Variants in LARP1B observed in about 807,000 individuals in gnomAD.
LARP1B encodes the protein la-related protein 1B.
A neutral mutation model predicts 114.2 loss-of-function variants in LARP1B; 76 were observed. The observed-to-expected ratio is 0.67, with a 90% CI of 0.55 to 0.81. The LOEUF is 0.81. LARP1B is among the 30% of genes least tolerant of loss of function. The probability of loss-of-function intolerance (pLI) is 0.00; values close to 1 mark genes in which losing one functional copy is unlikely to be tolerated. For missense variants in LARP1B, 1,014 were observed against 1,075.8 expected (o/e 0.94, Z 0.80); for synonymous variants, 345 against 348.0 (o/e 0.99, Z 0.10).
intron 11 of LARP1B, among the ~76,000 whole-genome samples, chr4:128,150,756 A>G (rs1732434229): frequency 1.3e-5 from 2 of 152,210 alleles, no homozygotes; most frequent in South Asian, 2.1e-4. Context: ...GAAGAAATGT[A>G]AAATAAAAAA....
intron 7 of LARP1B, among the ~76,000 whole-genome samples, chr4:128,097,930 T>C (rs1341577817): frequency 6.6e-6 from 1 of 152,208 alleles, no homozygotes; most frequent in African/African-American, 2.4e-5. Context: ...TCTTTATATT[T>C]AGTGAAACTG....
At chr4:128,166,656 A>G (rs1236998864) in intron 12 of LARP1B, among the ~76,000 whole-genome samples, 2 of 151,808 alleles carry the variant, frequency 1.3e-5, no homozygotes, top group Non-Finnish European at 2.9e-5. Context: ...CTCAGGTTGT[A>G]CATTAGATCT....
intron 11 of LARP1B, among the ~76,000 whole-genome samples, chr4:128,150,568 T>G (rs1732329784): frequency 6.6e-6 from 1 of 152,066 alleles, no homozygotes; most frequent in African/African-American, 2.4e-5. Context: ...GCTGGAATTA[T>G]AGATGTGAGC....
intron 11 of LARP1B, among the ~76,000 whole-genome samples, chr4:128,125,804 A>C (rs777812190): frequency 6.6e-6 from 1 of 152,142 alleles, no homozygotes; most frequent in Non-Finnish European, 1.5e-5. Context: ...TGCTGAGCAG[A>C]ATAGAGAGGA....
At chr4:128,079,961 T>A (rs1042667907) in intron 4 of LARP1B, among the ~76,000 whole-genome samples, 2 of 152,074 alleles carry the variant, frequency 1.3e-5, no homozygotes, top group Admixed American at 1.3e-4. Flanking sequence ...AGATGACAGA[T>A]TTGTTATCCT....
intron 9 of LARP1B, among the ~76,000 whole-genome samples, chr4:128,111,567 G>T (rs554036929): frequency 6.6e-6 from 1 of 152,180 alleles, no homozygotes; most frequent in Non-Finnish European, 1.5e-5. Context: ...ACTGGGTGTG[G>T]TGGTGTGCAT....
At chr4:128,187,808 G>T (rs1273366182) in intron 15 of LARP1B, among the ~76,000 whole-genome samples, 4 of 152,112 alleles carry the variant, frequency 2.6e-5, no homozygotes, top group African/African-American at 7.2e-5. Flanking sequence ...GGATCACCGG[G>T]GCAGTTTCTC....
chr4:128,128,108 C>T (rs1244751991), intron 11 of LARP1B, among the ~76,000 whole-genome samples: 1 of 152,148 alleles, frequency 6.6e-6, no homozygotes, highest in Non-Finnish European at 1.5e-5. Context: ...CCCTCCCTAT[C>T]TTACATCATG....
rs1755593957 is a variant in LARP1B at position 128,200,441 on chromosome 4, T to G, written c.2165-80T>G. 11 of 956,920 alleles carry G rather than the reference T, an allele frequency of 1.1e-5. No homozygotes were observed. The South Asian group carries it at 2.6e-4, about 22-fold the overall frequency. 59.3% of individuals were successfully genotyped at this position (956,920 alleles called of 1,614,324 possible). On this transcript the variant is annotated intron_variant, in intron 16 of 19. Coordinates refer to ENST00000326639, the MANE Select transcript of LARP1B (RefSeq NM_018078.4). ...TGAGGATTAATATGGTTGAGCTTTC[T>G]TCATTTTATATATAACATCTGCTGT...
intron 1 of LARP1B, among the ~76,000 whole-genome samples, chr4:128,072,174 G>GT (rs1228974883): frequency 3.3e-5 from 5 of 151,388 alleles, no homozygotes; most frequent in African/African-American, 1.2e-4. Flanking sequence ...TAATTTTTGT[G>GT]TTTTTTAGTA....
At chr4:128,200,489 A>T (rs922465502) in intron 16 of LARP1B, 32 bp from the exon 17 acceptor site, 2 of 1,314,228 alleles carry the variant, frequency 1.5e-6, no homozygotes, top group African/African-American at 3.0e-5. Context: ...AAGTATGTTT[A>T]ATAAAATAAT....
At position 128,210,243 on chromosome 4, in the gene LARP1B, A is replaced by G; in HGVS notation, c.*190A>G. 1 of 1,407,098 alleles carries G rather than the reference A, an allele frequency of 7.1e-7. No individual in the cohort carries two copies. Among genetic ancestry groups the G allele is most frequent in the South Asian group, 1.7e-5 (1 of 59,944 alleles). 87.2% of individuals were successfully genotyped at this position (1,407,098 alleles called of 1,614,324 possible). A position where few individuals can be genotyped will look rare whatever the true frequency, so the allele number is the denominator to read the frequency against. ...AAGTGGTAGCATTTTTTCTAACAAG[A>G]TAAATTCTAAAAATGTTTTCCCTGA... On this transcript the variant is annotated 3_prime_UTR_variant, in exon 20 of 20. Coordinates refer to ENST00000326639, the MANE Select transcript of LARP1B (RefSeq NM_018078.4).
intron 5 of LARP1B, among the ~76,000 whole-genome samples, chr4:128,089,199 C>G (rs1427481229): frequency 6.6e-6 from 1 of 152,014 alleles, no homozygotes; most frequent in Non-Finnish European, 1.5e-5. Context: ...ACAGAACAGG[C>G]CCCCACACCA....
intron 11 of LARP1B, among the ~76,000 whole-genome samples, chr4:128,142,722 G>A (rs1200106926): frequency 6.6e-6 from 1 of 151,734 alleles, no homozygotes; most frequent in Non-Finnish European, 1.5e-5. Context: ...TTCTCAAACT[G>A]GTCTCGAACT....
chr4:128,204,437 A>C (rs1276678310), intron 17 of LARP1B, among the ~76,000 whole-genome samples: 1 of 151,920 alleles, frequency 6.6e-6, no homozygotes, highest in Non-Finnish European at 1.5e-5. Context: ...GGTGGATCAC[A>C]TGACATTAGG....
Position 128,178,517 on chromosome 4 carries a change from C to T in LARP1B, c.1771C>T (p.Pro591Ser). 4 of 1,613,904 alleles carry T rather than the reference C, an allele frequency of 2.5e-6. No individual in the cohort carries two copies. The highest frequency in any genetic ancestry group is 2.2e-5 in the East Asian group (1 of 44,864). The change falls in exon 14 of 20, where the codon CCA (proline) becomes TCA (serine). Residue 591 changes from proline (P) to serine (S), a missense_variant. By Grantham distance (74) the Pro-to-Ser change is moderately conservative (BLOSUM62 -1). Coordinates refer to ENST00000326639, the MANE Select transcript of LARP1B (RefSeq NM_018078.4). ...GGTTCATTCGTTGCCTACAGCAGTT[C>T]CAGAATCTCCTAGAATTCATCCTAC... ...AMVHSLPTAV[P>S]ESPRIHPTRT...
chr4:128,091,599 A>AG (rs1437917789), intron 7 of LARP1B, 87 bp downstream of exon 7: 2 of 843,600 alleles, frequency 2.4e-6, no homozygotes, highest in East Asian at 6.3e-5. Flanking sequence ...ATATGCTATA[A>AG]TTTTTTTTTT....
At chr4:128,099,647 A>G (rs2149705008) in intron 8 of LARP1B, among the ~76,000 whole-genome samples, 1 of 152,072 alleles carries the variant, frequency 6.6e-6, no homozygotes, top group South Asian at 2.1e-4. Flanking sequence ...TTGTTGGTGG[A>G]CATTCAGATT....
intron 15 of LARP1B, among the ~76,000 whole-genome samples, chr4:128,195,015 G>T (rs1329575540): frequency 2.0e-5 from 3 of 151,938 alleles, no homozygotes; most frequent in Non-Finnish European, 2.9e-5. Flanking sequence ...TGTAAGTCTG[G>T]TTCTATTCAT....
Sources: allele counts gnomAD v4.1 joint callset (sites outside exome capture counted in the v4.1 genomes callset), GRCh38; gene constraint gnomAD v4.1.1; transcripts MANE v1.5; gene names NCBI Gene and HGNC (gene_info 2026-07-23, HGNC 2026-07-21).